The following SAV1 variants were observed in gnomAD, a reference collection of about 807,000 sequenced individuals.
SAV1 encodes the protein salvador family WW domain containing protein 1, also known as protein salvador homolog 1.
Under a neutral mutation model 47.3 loss-of-function variants are expected in SAV1, and 23 were observed. The ratio of observed to expected loss-of-function variants is 0.49; its 90% CI spans 0.35 to 0.69. The LOEUF (loss-of-function observed/expected upper bound fraction) is 0.69, where lower values mean the gene tolerates loss of function less well. Ranked by LOEUF, SAV1 falls within the 30% of genes least tolerant of loss-of-function variation. The pLI, the probability that SAV1 is intolerant of heterozygous loss-of-function variation, is 0.01. For synonymous variants in SAV1, 155 were observed against 159.2 expected (o/e 0.97, Z 0.20); for missense variants, 448 against 457.4 (o/e 0.98, Z 0.19).
intron 4 of SAV1, among the ~76,000 whole-genome samples, chr14:50,635,757 T>C (rs2039629656): frequency 6.6e-6 from 1 of 152,240 alleles, no homozygotes; most frequent in Non-Finnish European, 1.5e-5. Flanking sequence ...GTCACCAGGC[T>C]GGAGTGCAGT....
At chr14:50,656,979 T>TA (rs1337364211) in intron 2 of SAV1, among the ~76,000 whole-genome samples, 4 of 149,938 alleles carry the variant, frequency 2.7e-5, no homozygotes, top group Admixed American at 2.0e-4. Flanking sequence ...CTTCAATAAC[T>TA]AACATCCCAA....
intron 2 of SAV1, chr14:50,662,812 C>T (rs1468614445): frequency 3.3e-5 from 5 of 152,214 alleles, no homozygotes; most frequent in African/African-American, 7.2e-5. Context: ...TCTATATTAA[C>T]AGTAAACATA....
Position 50,665,577 on chromosome 14 carries a change from C to T in SAV1, c.137G>A (p.Arg46Lys). Residue 46 changes from arginine (R) to lysine (K), a missense_variant, in exon 2 of 5, where the codon AGA becomes AAA. Coordinates refer to ENST00000324679, the MANE Select transcript of SAV1 (RefSeq NM_021818.4). ...ATCTGGAAGACAGATATCAGTTCGT[C>T]TTGGAATTGTTGGACCATGCCGGAT... The part of the protein sequence containing the change: ...SFIRHGPTIP[R>K]RTDICLPDSS... 6.2e-7 allele frequency: 1 copy of T among 1,613,314 alleles called. No homozygotes were observed. Among genetic ancestry groups the T allele is most frequent in the Non-Finnish European group, 8.5e-7 (1 of 1,179,650 alleles).
At chr14:50,663,974 C>A (rs543189348) in intron 2 of SAV1, among the ~76,000 whole-genome samples, 1 of 152,158 alleles carries the variant, frequency 6.6e-6, no homozygotes, top group Non-Finnish European at 1.5e-5. Context: ...CAATTTTCCA[C>A]GTAAAATGTC....
rs1669160594 is a variant in SAV1 at position 50,665,516 on chromosome 14, T to G, written c.198A>C (p.Val66=). 1 of 1,613,982 alleles carries G rather than the reference T, an allele frequency of 6.2e-7. No homozygotes were observed. The highest frequency in any genetic ancestry group is 1.3e-5 in the African/African-American group (1 of 74,936). The change falls in exon 2 of 5, where the codon GTA becomes GTC. Residue 66 remains valine (V), a synonymous_variant. Transcript: ENST00000324679. ...SPNAFSTSGD[V]VSRNQSFLRT... ...TAAGGAAACTCTGGTTTCTTGAAACTACATCTCCAGAAGTTGAAAAGGCAT... is the reference window on the plus strand; with the variant it reads ...TAAGGAAACTCTGGTTTCTTGAAACGACATCTCCAGAAGTTGAAAAGGCAT...
intron 2 of SAV1, among the ~76,000 whole-genome samples, chr14:50,654,712 G>T (rs1007601860): frequency 1.3e-5 from 2 of 152,214 alleles, no homozygotes; most frequent in Admixed American, 1.3e-4. Context: ...AGGTATGCCT[G>T]TAATAGTGCT....
intron 2 of SAV1, among the ~76,000 whole-genome samples, chr14:50,651,261 A>G (rs1012490634): frequency 6.6e-6 from 1 of 151,494 alleles, no homozygotes; most frequent in African/African-American, 2.4e-5. Context: ...AACACAATAC[A>G]TATGAAAGAG....
chr14:50,666,595 G>A (rs557349332), intron 1 of SAV1, among the ~76,000 whole-genome samples: 25 of 152,166 alleles, frequency 1.6e-4, no homozygotes, highest in African/African-American at 5.8e-4. Flanking sequence ...GCTTAACTGT[G>A]ACAAACATTA....
At chr14:50,660,197 C>A (rs1360775380) in intron 2 of SAV1, among the ~76,000 whole-genome samples, 1 of 152,180 alleles carries the variant, frequency 6.6e-6, no homozygotes, top group Non-Finnish European at 1.5e-5. Context: ...CCCAATTTCC[C>A]AGCAACTGAT....
intron 4 of SAV1, among the ~76,000 whole-genome samples, chr14:50,640,362 C>T (rs983947698): frequency 6.6e-6 from 1 of 152,134 alleles, no homozygotes; most frequent in Admixed American, 6.5e-5. Context: ...TTAAGAGATC[C>T]TCCTGCCTCA....
chr14:50,667,835 GCCT>G, intron 1 of SAV1, 36 bp downstream of exon 1: 1 of 1,564,714 alleles, frequency 6.4e-7, no homozygotes, highest in Non-Finnish European at 8.8e-7. Context: ...GCACCTGGCC[GCCT>G]GGGCCAGGTG....
At position 50,668,104 on chromosome 14, in the gene SAV1, C is replaced by G; in HGVS notation, c.-137G>C. The G allele has an allele frequency of 4.3e-6, 2 of 462,468 alleles. No homozygotes were observed. The highest frequency in any genetic ancestry group is 6.8e-6 in the Non-Finnish European group (2 of 294,324). 28.6% of individuals were successfully genotyped at this position (462,468 alleles called of 1,614,324 possible). A position where few individuals can be genotyped will look rare whatever the true frequency, so the allele number is the denominator to read the frequency against. On this transcript the variant is annotated 5_prime_UTR_variant, in exon 1 of 5. Transcript: ENST00000324679. Reference sequence around the variant, plus strand: ...AGCCGCCGCCTCCGCCGCCGCCTGTCCGGAGCCCGGGGTCGCCCGCAGGGA... The same window carrying G: ...AGCCGCCGCCTCCGCCGCCGCCTGTGCGGAGCCCGGGGTCGCCCGCAGGGA...
intron 2 of SAV1, among the ~76,000 whole-genome samples, chr14:50,655,572 C>T (rs951954375): frequency 1.3e-5 from 2 of 152,038 alleles, no homozygotes; most frequent in South Asian, 4.2e-4. Context: ...ATTACAGGAA[C>T]CTGCCACCAT....
intron 3 of SAV1, among the ~76,000 whole-genome samples, chr14:50,641,204 G>T (rs2039678696): frequency 6.6e-6 from 1 of 152,190 alleles, no homozygotes; most frequent in South Asian, 2.1e-4. Context: ...AAGGTTGACA[G>T]TTTCTAAGAA....
intron 2 of SAV1, among the ~76,000 whole-genome samples, chr14:50,647,216 T>C (rs951353617): frequency 1.6e-4 from 25 of 152,108 alleles, no homozygotes; most frequent in African/African-American, 5.8e-4. Flanking sequence ...ATGCTGAAAG[T>C]TCAACTCATA....
chr14:50,642,108 A>T (rs2140249892), intron 3 of SAV1, among the ~76,000 whole-genome samples: 1 of 152,326 alleles, frequency 6.6e-6, no homozygotes, highest in South Asian at 2.1e-4. Flanking sequence ...TAATGCAGGA[A>T]GAGAAAACTA....
intron 2 of SAV1, among the ~76,000 whole-genome samples, chr14:50,660,912 TA>T (rs1179124177): frequency 6.6e-6 from 1 of 152,244 alleles, no homozygotes; most frequent in Non-Finnish European, 1.5e-5. Context: ...AATGACATGA[TA>T]AACATGGGAG....
intron 2 of SAV1, among the ~76,000 whole-genome samples, chr14:50,654,620 G>A (rs959054616): frequency 6.6e-6 from 1 of 152,198 alleles, no homozygotes; most frequent in Admixed American, 6.5e-5. Context: ...AAATGCGCAC[G>A]TGCTGTTGGA....
At chr14:50,655,751 T>G (rs1353598526) in intron 2 of SAV1, among the ~76,000 whole-genome samples, 3 of 151,744 alleles carry the variant, frequency 2.0e-5, no homozygotes, top group Non-Finnish European at 4.4e-5. Context: ...TTATAGTAAT[T>G]AAAAACAAGA....
Sources: allele counts gnomAD v4.1 joint callset (sites outside exome capture counted in the v4.1 genomes callset), GRCh38; gene constraint gnomAD v4.1.1; transcripts MANE v1.5; gene names NCBI Gene and HGNC (gene_info 2026-07-23, HGNC 2026-07-21).